Variants in CCDC88C observed in about 807,000 individuals in gnomAD.
The protein encoded by CCDC88C is coiled-coil and HOOK domain protein 88C, also known as protein Daple.
CCDC88C carries 131 observed loss-of-function variants against 198.8 expected under a neutral mutation model. The observed-to-expected ratio is 0.66, with a 90% CI of 0.57 to 0.76. The LOEUF is 0.76. Ranked by LOEUF, CCDC88C falls within the 30% of genes least tolerant of loss-of-function variation. CCDC88C has a pLI of 0.00. For synonymous variants in CCDC88C, 1,166 were observed against 1,114.7 expected (o/e 1.05, Z -0.92); for missense variants, 2,553 against 2,631.6 (o/e 0.97, Z 0.65).
Position 91,337,892 on chromosome 14 carries a change from C to G in CCDC88C, c.1050+113G>C, listed in dbSNP as rs576774957. 3.3e-4 allele frequency: 447 copies of G among 1,342,348 alleles called. 1 individual carries two copies. The African/African-American group carries it at 5.9e-3, about 18-fold the overall frequency. The allele number at this position is 1,342,348 out of a possible 1,614,324, so 83.2% of individuals were successfully genotyped here. A position where few individuals can be genotyped will look rare whatever the true frequency, so the allele number is the denominator to read the frequency against. The stretch of plus-strand genomic sequence containing the variant: ...GGCTGAGGTGCCGGGGAAGCATCTG[C>G]TGAAACAGCTGTGGCTCCGCTCCTC... On this transcript the variant is annotated intron_variant, in intron 10 of 29. Transcript: ENST00000389857.
intron 3 of CCDC88C, among the ~76,000 whole-genome samples, chr14:91,405,353 G>A (rs1886427484): frequency 6.6e-6 from 1 of 152,178 alleles, no homozygotes; most frequent in Non-Finnish European, 1.5e-5. Context: ...AAAAGCCACA[G>A]GTGAGAGGGA....
intron 3 of CCDC88C, among the ~76,000 whole-genome samples, chr14:91,393,310 C>T (rs1309617015): frequency 1.3e-5 from 2 of 152,152 alleles, no homozygotes; most frequent in African/African-American, 4.8e-5. Flanking sequence ...CTATTCTGTC[C>T]GCAAGTAGGA....
At chr14:91,277,519 G>A (rs1890015184) in intron 29 of CCDC88C, among the ~76,000 whole-genome samples, 1 of 152,222 alleles carries the variant, frequency 6.6e-6, no homozygotes, top group African/African-American at 2.4e-5. Flanking sequence ...GTGAGACCCA[G>A]AAAGCCTAAA....
chr14:91,360,252 TCACACACACA>T (rs57026211), intron 3 of CCDC88C, among the ~76,000 whole-genome samples: 32,365 of 144,190 alleles, frequency 0.22, 3,995 homozygotes, highest in Non-Finnish European at 0.26. Context: ...GACCCCATCT[TCACACACACA>T]CACACACACA....
Position 91,301,625 on chromosome 14 carries a change from G to A in CCDC88C, c.3636-1555C>T, listed in dbSNP as rs140440623. 6.6e-5 allele frequency among the ~76,000 whole-genome samples: 10 copies of A among 152,344 alleles called. No homozygotes were observed. In the East Asian group the frequency reaches 1.5e-3, roughly 23 times the overall value. ...CCAGCTACTTGGGAGGCTGAAGTAG[G>A]AGGATTGCTTGAAGCCGGGAGGTGG... is the stretch of plus-strand genomic sequence containing the variant. On this transcript the variant is annotated intron_variant, in intron 20 of 29. Coordinates refer to ENST00000389857, the MANE Select transcript of CCDC88C (RefSeq NM_001080414.4).
intron 3 of CCDC88C, among the ~76,000 whole-genome samples, chr14:91,378,351 C>A (rs1884586202): frequency 6.6e-6 from 1 of 152,202 alleles, no homozygotes; most frequent in Admixed American, 6.5e-5. Context: ...GCCATCACAG[C>A]CTCAGCTAAA....
At chr14:91,359,577 G>A in intron 4 of CCDC88C, 65 bp downstream of exon 4, 1 of 1,320,888 alleles carries the variant, frequency 7.6e-7, no homozygotes, top group Non-Finnish European at 1.1e-6. Context: ...TCGATGGCCA[G>A]CAGCTGCCCA....
chr14:91,305,933 G>C lies in CCDC88C; in HGVS notation c.3196-7C>G. ...CAGCCTGCAGAGCTGCATTCTAGAA[G>C]ATCGGGAGGCATGAGCGAATCAAAC... On this transcript the variant is annotated splice_polypyrimidine_tract_variant and splice_region_variant and intron_variant, in intron 18 of 29. Transcript: ENST00000389857. The C allele has an allele frequency of 6.2e-7, 1 of 1,611,656 alleles. No individual in the cohort carries two copies. Among genetic ancestry groups the C allele is most frequent in the Non-Finnish European group, 8.5e-7 (1 of 1,179,060 alleles).
chr14:91,276,067 G>A (rs557391293), intron 29 of CCDC88C, among the ~76,000 whole-genome samples: 5 of 151,790 alleles, frequency 3.3e-5, no homozygotes, highest in East Asian at 3.9e-4. Flanking sequence ...TGATCCGCCC[G>A]TCTCGGCCTC....
chr14:91,307,878 T>A lies in CCDC88C; in HGVS notation c.3006+473A>T, dbSNP rs192694758. Reference sequence around the variant, plus strand: ...AAGGAGCATGTGCATATGTGGAGAGTGTGTATGTGTGGAGAACACACATCT... The same window carrying A: ...AAGGAGCATGTGCATATGTGGAGAGAGTGTATGTGTGGAGAACACACATCT... On this transcript the variant is annotated intron_variant, in intron 17 of 29. Coordinates refer to ENST00000389857, the MANE Select transcript of CCDC88C (RefSeq NM_001080414.4). Among the ~76,000 whole-genome samples the A allele has an allele frequency of 8.1e-4, 123 of 151,744 alleles. 1 individual carries two copies. Among genetic ancestry groups the A allele is most frequent in the Admixed American group, 4.4e-3 (67 of 15,272 alleles).
chr14:91,294,417 G>A, intron 22 of CCDC88C, 99 bp from the exon 23 acceptor site: 1 of 1,364,934 alleles, frequency 7.3e-7, no homozygotes, highest in Non-Finnish European at 1.0e-6. Flanking sequence ...GCACAAAGAT[G>A]TTCAACGCAG....
chr14:91,273,735 C>A lies in CCDC88C; in HGVS notation c.5059-82G>T, dbSNP rs769800189. Reference sequence around the variant, plus strand: ...AGCCGCCTCCTGCGCGGGACGCCCCCGAGCAGCCCACGTGGCTGGGACCGC... The same window carrying A: ...AGCCGCCTCCTGCGCGGGACGCCCCAGAGCAGCCCACGTGGCTGGGACCGC... On this transcript the variant is annotated intron_variant, in intron 29 of 29. Transcript: ENST00000389857. This position sits in a 1 kb window ranked among gnomAD's most constrained non-coding sequence, Gnocchi z 5.6. The A allele has an allele frequency of 2.2e-5, 28 of 1,260,340 alleles. No homozygotes were observed. The highest frequency in any genetic ancestry group is 2.7e-5 in the Non-Finnish European group (26 of 958,206). 78.1% of individuals were successfully genotyped at this position (1,260,340 alleles called of 1,614,324 possible). A position where few individuals can be genotyped will look rare whatever the true frequency, so the allele number is the denominator to read the frequency against.
At chr14:91,293,449 ACGGTC>A (rs1890809123) in intron 23 of CCDC88C, among the ~76,000 whole-genome samples, 9 of 94,144 alleles carry the variant, frequency 9.6e-5, no homozygotes, top group Non-Finnish European at 1.6e-4. Flanking sequence ...CTCACCTGCC[ACGGTC>A]CACCTTCCCA....
In CCDC88C at chr14:91,305,693, A is replaced by T; in HGVS notation, c.3357+72T>A. 4 of 1,467,378 alleles carry T rather than the reference A, an allele frequency of 2.7e-6. No homozygotes were observed. In the Admixed American group the frequency reaches 6.0e-5, roughly 22 times the overall value. 90.9% of individuals were successfully genotyped at this position (1,467,378 alleles called of 1,614,324 possible). A position where few individuals can be genotyped will look rare whatever the true frequency, so the allele number is the denominator to read the frequency against. On this transcript the variant is annotated intron_variant, in intron 19 of 29. Transcript: ENST00000389857. ...GCTTTTGAGGAGTCCTAATGCCCCC[A>T]GTTGGTCCCCAGGAGCCACAGATAA...
At chr14:91,389,576 C>T (rs1398414182) in intron 3 of CCDC88C, among the ~76,000 whole-genome samples, 2 of 152,228 alleles carry the variant, frequency 1.3e-5, no homozygotes, top group East Asian at 3.9e-4. Context: ...TCTATGCTGA[C>T]TCCAAGTGAA....
intron 15 of CCDC88C, among the ~76,000 whole-genome samples, chr14:91,310,685 C>A (rs1484023267): frequency 6.6e-6 from 1 of 152,228 alleles, no homozygotes; most frequent in East Asian, 1.9e-4. Flanking sequence ...GCTGGGATTA[C>A]AGGCGCGAGC....
chr14:91,329,396 T>C (rs1407342042), intron 10 of CCDC88C, among the ~76,000 whole-genome samples: 1 of 152,224 alleles, frequency 6.6e-6, no homozygotes, highest in African/African-American at 2.4e-5. Context: ...TTAAGTATGA[T>C]GTGACATGTC....
chr14:91,338,390 TA>T lies in CCDC88C; in HGVS notation c.891+98del. On this transcript the variant is annotated intron_variant, in intron 9 of 29. Coordinates refer to ENST00000389857, the MANE Select transcript of CCDC88C (RefSeq NM_001080414.4). This position sits in a 1 kb window ranked among gnomAD's most constrained non-coding sequence, Gnocchi z 4.8. Reference sequence around the variant, plus strand: ...CAGGACAAGTGGCTCTTGTGTGGCTTAAAAGCGCTGCTGTTGAGCTCCTGAC... The same window carrying T: ...CAGGACAAGTGGCTCTTGTGTGGCTTAAAGCGCTGCTGTTGAGCTCCTGAC... 8.8e-7 allele frequency: 1 copy of T among 1,135,528 alleles called. No individual in the cohort carries two copies. The highest frequency in any genetic ancestry group is 1.3e-6 in the Non-Finnish European group (1 of 773,372). 70.3% of individuals were successfully genotyped at this position (1,135,528 alleles called of 1,614,324 possible).
At chr14:91,340,271 C>T (rs1194040516) in intron 6 of CCDC88C, among the ~76,000 whole-genome samples, 1 of 152,202 alleles carries the variant, frequency 6.6e-6, no homozygotes, top group Admixed American at 6.5e-5. Flanking sequence ...GACCAGAAAG[C>T]ACGCCTCACA....
Sources: allele counts gnomAD v4.1 joint callset (sites outside exome capture counted in the v4.1 genomes callset), GRCh38; gene constraint gnomAD v4.1.1; non-coding constraint Gnocchi (gnomAD v3.1); transcripts MANE v1.5; gene names NCBI Gene and HGNC (gene_info 2026-07-23, HGNC 2026-07-21).